PPM1H: variants seen among roughly 807,000 people sequenced by gnomAD.
PPM1H encodes the protein protein phosphatase 1H.
Under a neutral mutation model 54.9 loss-of-function variants are expected in PPM1H, and 27 were observed. That is an observed-to-expected ratio of 0.49 (90% confidence interval 0.36 to 0.68). The LOEUF (loss-of-function observed/expected upper bound fraction) is 0.68, where lower values mean the gene tolerates loss of function less well. Ranked by LOEUF, PPM1H falls within the 30% of genes least tolerant of loss-of-function variation. The pLI, the probability that PPM1H is intolerant of heterozygous loss-of-function variation, is 0.00. For synonymous variants in PPM1H, 305 were observed against 270.8 expected (o/e 1.13, Z -1.24); for missense variants, 596 against 667.8 (o/e 0.89, Z 1.19).
chr12:62,905,236 T>C (rs1002718195), intron 1 of PPM1H, among the ~76,000 whole-genome samples: 4 of 152,198 alleles, frequency 2.6e-5, no homozygotes, highest in Non-Finnish European at 5.9e-5. Flanking sequence ...CACCTAGATT[T>C]TGGTGTCAAA....
intron 1 of PPM1H, among the ~76,000 whole-genome samples, chr12:62,897,817 T>C (rs1871042167): frequency 6.6e-6 from 1 of 152,082 alleles, no homozygotes; most frequent in African/African-American, 2.4e-5. Context: ...GAGCAGTGAA[T>C]TCTCGGGGAG....
rs113400171 is a variant in PPM1H, at chr12:62,655,771, T to C, written c.1398-7135A>G. 3.0e-4 allele frequency among the ~76,000 whole-genome samples: 45 copies of C among 152,320 alleles called. 1 individual carries two copies. Among genetic ancestry groups the C allele is most frequent in the African/African-American group, 1.0e-3 (42 of 41,586 alleles). ...CAGCCCTAGTGCCGTCACTGAATGC[T>C]GGGCCAGGCTGCATTAGACAACTGC... On this transcript the variant is annotated intron_variant, in intron 9 of 9. Transcript: ENST00000228705.
intron 4 of PPM1H, among the ~76,000 whole-genome samples, chr12:62,769,330 G>A (rs948227328): frequency 2.0e-5 from 3 of 152,146 alleles, no homozygotes; most frequent in Non-Finnish European, 2.9e-5. Context: ...CCAGAATACC[G>A]CTTTACCCTT....
At chr12:62,905,325 A>G (rs1871273183) in intron 1 of PPM1H, among the ~76,000 whole-genome samples, 1 of 152,160 alleles carries the variant, frequency 6.6e-6, no homozygotes, top group African/African-American at 2.4e-5. Flanking sequence ...GGGATTGGCA[A>G]GGCTCAACGT....
intron 6 of PPM1H, among the ~76,000 whole-genome samples, chr12:62,712,165 T>C (rs548648920): frequency 6.6e-6 from 1 of 152,294 alleles, no homozygotes; most frequent in South Asian, 2.1e-4. Context: ...CGTTGGAATT[T>C]GGAACACAGG....
chr12:62,930,684 G>A (rs972826295), intron 1 of PPM1H, among the ~76,000 whole-genome samples: 3 of 152,236 alleles, frequency 2.0e-5, no homozygotes, highest in Admixed American at 2.0e-4. Flanking sequence ...GAGAAAGGAA[G>A]TAGCTGCCGC....
intron 2 of PPM1H, among the ~76,000 whole-genome samples, chr12:62,816,009 C>T (rs1328789691): frequency 6.6e-6 from 1 of 152,104 alleles, no homozygotes; most frequent in African/African-American, 2.4e-5. Context: ...CTAACTAACT[C>T]CCATATCAAA....
chr12:62,817,461 CA>C (rs201526974), intron 2 of PPM1H, among the ~76,000 whole-genome samples: 4 of 134,756 alleles, frequency 3.0e-5, no homozygotes, highest in Middle Eastern at 3.8e-3. Flanking sequence ...GACCCTGTCT[CA>C]AAAAAAAACA....
At chr12:62,802,742 G>A (rs919646796) in intron 2 of PPM1H, among the ~76,000 whole-genome samples, 10 of 152,102 alleles carry the variant, frequency 6.6e-5, no homozygotes, top group African/African-American at 2.2e-4. Flanking sequence ...ACCACACCAG[G>A]CTAATTTTTT....
intron 4 of PPM1H, among the ~76,000 whole-genome samples, chr12:62,741,369 C>G (rs975537856): frequency 1.3e-5 from 2 of 152,222 alleles, no homozygotes; most frequent in East Asian, 3.8e-4. Context: ...TTCTGCCCTC[C>G]TCTGCCCCGT....
chr12:62,904,752 T>C (rs1471183298), intron 1 of PPM1H, among the ~76,000 whole-genome samples: 2 of 152,238 alleles, frequency 1.3e-5, no homozygotes, highest in South Asian at 2.1e-4. Context: ...GCATGTGGAC[T>C]GTGTCACAGT....
intron 1 of PPM1H, among the ~76,000 whole-genome samples, chr12:62,922,347 T>TTTA (rs397806389): frequency 1.3e-5 from 2 of 151,822 alleles, no homozygotes; most frequent in South Asian, 4.2e-4. Flanking sequence ...TTTTTTTTTT[T>TTTA]AATAATTTCA....
chr12:62,802,669 T>C (rs1442840046), intron 2 of PPM1H, among the ~76,000 whole-genome samples: 1 of 151,672 alleles, frequency 6.6e-6, no homozygotes, highest in Non-Finnish European at 1.5e-5. Flanking sequence ...GTTCAAGCGA[T>C]TCTCATGCCT....
chr12:62,650,793 G>GT, intron 9 of PPM1H, among the ~76,000 whole-genome samples: 1 of 152,188 alleles, frequency 6.6e-6, no homozygotes, highest in East Asian at 1.9e-4. Flanking sequence ...ACTCACTATC[G>GT]TAAGAACAGC....
chr12:62,835,517 A>G (rs1868477117), intron 1 of PPM1H, among the ~76,000 whole-genome samples: 1 of 152,228 alleles, frequency 6.6e-6, no homozygotes, highest in Non-Finnish European at 1.5e-5. Flanking sequence ...CTGTGAAAGA[A>G]CAATTACTGG....
rs1027148343 is a variant in PPM1H at position 62,726,920 on chromosome 12, C to CT, written c.955-6632dup. ...TGCTAGTTTGCTAATAATTTACTGA[C>CT]TTTTTTTTTTTGAGACAGAGTTTCA... On this transcript the variant is annotated intron_variant, in intron 5 of 9. Transcript: ENST00000228705. 4.1e-3 allele frequency among the ~76,000 whole-genome samples: 602 copies of CT among 147,514 alleles called. 4 individuals carry two copies. The highest frequency in any genetic ancestry group is 0.013 in the African/African-American group (540 of 40,438).
rs71278272 is a variant in PPM1H, at chr12:62,692,932, G to GACACACACACACACAC, written c.1137+988_1137+1003dup. ...ATGTTTGTTCTCTTGCTTTTGCTCT[G>GACACACACACACACAC]ACACACACACACACACACACACACA... On this transcript the variant is annotated intron_variant, in intron 7 of 9. Transcript: ENST00000228705. 7.4e-3 allele frequency among the ~76,000 whole-genome samples: 1,086 copies of GACACACACACACACAC among 146,796 alleles called. 15 individuals carry two copies. The highest frequency in any genetic ancestry group is 0.024 in the East Asian group (118 of 4,948).
chr12:62,774,109 T>C (rs1468027483), intron 4 of PPM1H, among the ~76,000 whole-genome samples: 2 of 152,194 alleles, frequency 1.3e-5, no homozygotes, highest in Non-Finnish European at 2.9e-5. Context: ...GATACTAAGT[T>C]AATGGTTCCC....
intron 3 of PPM1H, among the ~76,000 whole-genome samples, chr12:62,788,643 T>C (rs1309727181): frequency 1.3e-5 from 2 of 152,068 alleles, no homozygotes; most frequent in Non-Finnish European, 2.9e-5. Context: ...TTATGGAAAA[T>C]TTAGTCTTTG....
Sources: gnomAD v4.1 joint callset for allele counts (sites outside exome capture counted in the v4.1 genomes callset) on GRCh38, gnomAD v4.1.1 for gene constraint, MANE v1.5 for transcripts, NCBI Gene and HGNC (gene_info 2026-07-23, HGNC 2026-07-21) for gene names.